Variants in TNNI3K observed in about 807,000 individuals in gnomAD.
The protein encoded by TNNI3K is TNNI3 interacting kinase, also known as serine/threonine-protein kinase TNNI3K.
In TNNI3K, 140 loss-of-function variants were observed where a neutral mutation model predicts 114.5. The ratio of observed to expected loss-of-function variants is 1.22; its 90% CI spans 1.07 to 1.41. TNNI3K has a LOEUF of 1.41. Among genes scored for constraint, TNNI3K ranks in the 40% most tolerant of loss-of-function variants. The probability of loss-of-function intolerance (pLI) is 0.00; values close to 1 mark genes in which losing one functional copy is unlikely to be tolerated. For synonymous variants in TNNI3K, 347 were observed against 347.5 expected, an observed-to-expected ratio of 1.00 and a Z score of 0.02; for missense variants, 1,125 against 1,007.6, an observed-to-expected ratio of 1.12 and a Z score of -1.58.
chr1:74,240,754 G>C (rs1654141434), intron 2 of TNNI3K: 1 of 151,558 alleles, frequency 6.6e-6, no homozygotes, highest in African/African-American at 2.4e-5. Context: ...GAATACTCCA[G>C]AAAAGTTATA....
intron 17 of TNNI3K, among the ~76,000 whole-genome samples, chr1:74,427,185 A>C (rs998609037): frequency 2.7e-5 from 4 of 148,320 alleles, no homozygotes; most frequent in African/African-American, 9.7e-5. Context: ...TCAGGGCTTT[A>C]TGTACAGAGT....
In TNNI3K at chr1:74,375,762, T is replaced by C. The variant is rs1475238633; in HGVS notation, c.1772+5370T>C. The C allele has an allele frequency of 1.4e-5, 5 of 357,060 alleles. No individual in the cohort carries two copies. In the East Asian group the frequency reaches 3.7e-4, roughly 27 times the overall value. The allele number at this position is 357,060 out of a possible 1,614,324, so 22.1% of individuals were successfully genotyped here. ...TTTCCTTAAAACCCCCATCCTCAAG[T>C]TTTTGAGAAGACTGATTTGAGTAAT... On this transcript the variant is annotated intron_variant, in intron 17 of 24. Coordinates refer to ENST00000326637, the MANE Select transcript of TNNI3K (RefSeq NM_015978.3).
At chr1:74,375,534 A>C (rs1362498871) in intron 17 of TNNI3K, 8 of 453,702 alleles carry the variant, frequency 1.8e-5, no homozygotes, top group Non-Finnish European at 2.7e-5. Flanking sequence ...CTATTGCAAA[A>C]CCTAAGATCA....
At chr1:74,408,431 A>G (rs1664720996) in intron 17 of TNNI3K, among the ~76,000 whole-genome samples, 1 of 152,358 alleles carries the variant, frequency 6.6e-6, no homozygotes, top group Middle Eastern at 3.4e-3. Context: ...ATAAATGAAG[A>G]TTTATCTCCA....
At chr1:74,327,464 A>C (rs1659969908) in intron 5 of TNNI3K, among the ~76,000 whole-genome samples, 1 of 147,344 alleles carries the variant, frequency 6.8e-6, no homozygotes, top group African/African-American at 2.5e-5. Context: ...ATATATATAT[A>C]TCTCAGTATT....
intron 4 of TNNI3K, among the ~76,000 whole-genome samples, chr1:74,264,058 T>C (rs1314856870): frequency 1.3e-5 from 2 of 151,754 alleles, no homozygotes; most frequent in African/African-American, 4.8e-5. Flanking sequence ...AAATACATTA[T>C]GGAAAATGAG....
At chr1:74,343,267 G>T (rs1660841256) in intron 9 of TNNI3K, 88 bp downstream of exon 9, 1 of 1,369,392 alleles carries the variant, frequency 7.3e-7, no homozygotes, top group Non-Finnish European at 1.0e-6. Context: ...AGAACAAATA[G>T]TGGCAGATGT....
At chr1:74,451,205 A>G (rs190513340) in intron 20 of TNNI3K, among the ~76,000 whole-genome samples, 4 of 152,226 alleles carry the variant, frequency 2.6e-5, no homozygotes, top group South Asian at 2.1e-4. Context: ...ATGAGAACAC[A>G]TGGACACAGG....
At position 74,271,625 on chromosome 1, in the gene TNNI3K, C is replaced by T. The variant is rs761269305; in HGVS notation, c.361C>T (p.Leu121Phe). The T allele has an allele frequency of 8.1e-6, 13 of 1,608,134 alleles. No homozygotes were observed. The Admixed American group carries it at 2.0e-4, about 25-fold the overall frequency. ...KDNAELITSLLHSGADIQQVG... is the reference protein window; with the variant it reads ...KDNAELITSLFHSGADIQQVG... Reference sequence around the variant, plus strand: ...TAATGCAGAATTGATCACTTCTCTGCTTCACAGTGGAGCTGATATACAGCA... The same window carrying T: ...TAATGCAGAATTGATCACTTCTCTGTTTCACAGTGGAGCTGATATACAGCA... The change falls in exon 5 of 25, where the codon CTT becomes TTT. Residue 121 changes from leucine to phenylalanine, a missense_variant. Leu to Phe is a conservative substitution (Grantham distance 22). Coordinates refer to ENST00000326637, the MANE Select transcript of TNNI3K (RefSeq NM_015978.3).
chr1:74,333,715 C>T (rs1660329812), intron 6 of TNNI3K, among the ~76,000 whole-genome samples: 1 of 152,058 alleles, frequency 6.6e-6, no homozygotes, highest in Non-Finnish European at 1.5e-5. Flanking sequence ...CCTAATGTGC[C>T]ATGTTCCTTG....
intron 21 of TNNI3K, chr1:74,483,256 T>A (rs745708115): frequency 1.4e-6 from 1 of 717,136 alleles, no homozygotes; most frequent in South Asian, 1.5e-5. Flanking sequence ...TTATTAGTTT[T>A]ATTACCTACT....
intron 17 of TNNI3K, among the ~76,000 whole-genome samples, chr1:74,413,037 A>G (rs1290374819): frequency 6.6e-6 from 1 of 152,226 alleles, no homozygotes; most frequent in East Asian, 1.9e-4. Flanking sequence ...AATACAAAAC[A>G]GGTGTTATTA....
intron 4 of TNNI3K, among the ~76,000 whole-genome samples, chr1:74,268,456 G>A (rs1176525596): frequency 6.6e-6 from 1 of 151,812 alleles, no homozygotes; most frequent in Admixed American, 6.6e-5. Context: ...TCCAGTACTG[G>A]TACAGCCTTT....
intron 20 of TNNI3K, among the ~76,000 whole-genome samples, chr1:74,457,007 T>C (rs1667254755): frequency 6.6e-6 from 1 of 152,180 alleles, no homozygotes. Flanking sequence ...ATTATGTCCT[T>C]TTCCACATAT....
chr1:74,435,670 A>G (rs925821021), intron 17 of TNNI3K, among the ~76,000 whole-genome samples: 1 of 151,958 alleles, frequency 6.6e-6, no homozygotes, highest in Admixed American at 6.6e-5. Context: ...CTTTTCTTGA[A>G]CTGTCCTTGT....
intron 17 of TNNI3K, among the ~76,000 whole-genome samples, chr1:74,395,867 T>C (rs2100579328): frequency 6.6e-6 from 1 of 152,328 alleles, no homozygotes; most frequent in Non-Finnish European, 1.5e-5. Context: ...AAGCAGAAGA[T>C]GATAAAATAT....
chr1:74,241,851 CTT>C lies in TNNI3K; in HGVS notation c.149+5656_149+5657del, dbSNP rs68025428. ...GTGTTTTAGACATGAAGTTCTTTTC[CTT>C]TTTTTTTTTTTTTTCAGACGGAGTC... On this transcript the variant is annotated intron_variant, in intron 2 of 24. Coordinates refer to ENST00000326637, the MANE Select transcript of TNNI3K (RefSeq NM_015978.3). 4.1e-3 allele frequency among the ~76,000 whole-genome samples: 530 copies of C among 128,066 alleles called. 5 individuals are homozygous for C. Among genetic ancestry groups the C allele is most frequent in the African/African-American group, 0.014 (468 of 32,582 alleles). The allele number at this position is 128,066 out of a possible 152,430, so 84.0% of individuals were successfully genotyped here. A position where few individuals can be genotyped will look rare whatever the true frequency, so the allele number is the denominator to read the frequency against.
intron 21 of TNNI3K, among the ~76,000 whole-genome samples, chr1:74,464,395 A>G (rs1231282160): frequency 6.6e-6 from 1 of 152,196 alleles, no homozygotes; most frequent in Admixed American, 6.5e-5. Flanking sequence ...CATTCTTCAC[A>G]ATGGAGGACC....
intron 21 of TNNI3K, among the ~76,000 whole-genome samples, chr1:74,472,481 T>C (rs570882887): frequency 6.6e-6 from 1 of 152,258 alleles, no homozygotes; most frequent in African/African-American, 2.4e-5. Context: ...ATATCTTTAG[T>C]TGTTGGTTAG....
Sources: allele counts gnomAD v4.1 joint callset (sites outside exome capture counted in the v4.1 genomes callset), GRCh38; gene constraint gnomAD v4.1.1; transcripts MANE v1.5; gene names NCBI Gene and HGNC (gene_info 2026-07-23, HGNC 2026-07-21).